The following PTPRD variants were observed in gnomAD, a reference collection of about 807,000 sequenced individuals.
PTPRD encodes receptor-type tyrosine-protein phosphatase delta.
A neutral mutation model predicts 214.5 loss-of-function variants in PTPRD; 34 were observed. The observed-to-expected ratio is 0.16, with a 90% CI of 0.12 to 0.21. The LOEUF (loss-of-function observed/expected upper bound fraction) is 0.21, where lower values mean the gene tolerates loss of function less well. Among genes scored for constraint, PTPRD ranks in the 10% least tolerant of loss-of-function variants. The pLI is 1.00. For missense variants in PTPRD, 2,545 were observed against 2,398.7 expected (o/e 1.06, Z -1.27); for synonymous variants, 1,128 against 845.7 (o/e 1.33, Z -5.79).
chr9:10,020,331 C>T (rs944105669), intron 4 of PTPRD, among the ~76,000 whole-genome samples: 2 of 151,196 alleles, frequency 1.3e-5, no homozygotes, highest in African/African-American at 2.4e-5. Context: ...TTGACGGAGT[C>T]TTGCTCTGTC....
intron 9 of PTPRD, among the ~76,000 whole-genome samples, chr9:9,381,714 GTTTT>G (rs34478942): frequency 0.014 from 2,070 of 148,776 alleles, 57 homozygotes; most frequent in African/African-American, 0.048. Context: ...TTTTGTTTTT[GTTTT>G]TTTTTGTTTG....
At chr9:10,523,162 G>A (rs1222824689) in intron 2 of PTPRD, among the ~76,000 whole-genome samples, 1 of 151,888 alleles carries the variant, frequency 6.6e-6, no homozygotes, top group Non-Finnish European at 1.5e-5. Context: ...GAACATTTGG[G>A]AAATATACAT....
chr9:9,813,455 C>A (rs2047788359), intron 5 of PTPRD, among the ~76,000 whole-genome samples: 1 of 151,602 alleles, frequency 6.6e-6, no homozygotes, highest in Non-Finnish European at 1.5e-5. Context: ...AGAACTTATG[C>A]CATAGTAATA....
chr9:9,574,210 G>A (rs193056218), intron 8 of PTPRD, among the ~76,000 whole-genome samples: 4 of 151,866 alleles, frequency 2.6e-5, no homozygotes, highest in Non-Finnish European at 4.4e-5. Context: ...TATAACCACA[G>A]AAGTTAATGA....
intron 2 of PTPRD, among the ~76,000 whole-genome samples, chr9:10,412,668 CT>C (rs1347031060): frequency 6.8e-6 from 1 of 147,760 alleles, no homozygotes; most frequent in African/African-American, 2.5e-5. Context: ...ACACACACCC[CT>C]TGAAGCCAAT....
intron 10 of PTPRD, among the ~76,000 whole-genome samples, chr9:9,086,471 C>G (rs1470469749): frequency 6.6e-6 from 1 of 152,190 alleles, no homozygotes; most frequent in Non-Finnish European, 1.5e-5. Context: ...CCTTTATATA[C>G]TGATTTGCTT....
intron 11 of PTPRD, among the ~76,000 whole-genome samples, chr9:8,955,983 G>A (rs2099129561): frequency 6.6e-6 from 1 of 151,636 alleles, no homozygotes; most frequent in Non-Finnish European, 1.5e-5. Flanking sequence ...AAATATATCT[G>A]GCCATTTTTG....
At chr9:8,720,194 T>C (rs2098477422) in intron 12 of PTPRD, among the ~76,000 whole-genome samples, 1 of 152,188 alleles carries the variant, frequency 6.6e-6, no homozygotes, top group African/African-American at 2.4e-5. Context: ...TTGGCTCTTA[T>C]ATCTAGCTCC....
At chr9:9,488,827 G>T (rs1179394601) in intron 8 of PTPRD, among the ~76,000 whole-genome samples, 5 of 152,160 alleles carry the variant, frequency 3.3e-5, no homozygotes, top group Non-Finnish European at 5.9e-5. Context: ...TAGCCACACT[G>T]CAAGCAGCTG....
intron 2 of PTPRD, among the ~76,000 whole-genome samples, chr9:10,543,843 G>A (rs1282127624): frequency 4.6e-5 from 7 of 152,138 alleles, no homozygotes; most frequent in Non-Finnish European, 8.8e-5. Context: ...ATAAAATACA[G>A]ATAGGGTTTG....
At chr9:9,723,473 C>T (rs1319848321) in intron 7 of PTPRD, among the ~76,000 whole-genome samples, 1 of 151,946 alleles carries the variant, frequency 6.6e-6, no homozygotes, top group Non-Finnish European at 1.5e-5. Flanking sequence ...ATGAGTCCTC[C>T]TACTTTGTTC....
chr9:10,283,174 TA>T (rs751450389), intron 3 of PTPRD, among the ~76,000 whole-genome samples: 1 of 151,864 alleles, frequency 6.6e-6, no homozygotes, highest in Non-Finnish European at 1.5e-5. Context: ...CCAATTAATT[TA>T]TATTTTACAT....
rs2096272113 is a variant in PTPRD at position 9,498,223 on chromosome 9, C to T, written c.-237+76509G>A. ...AAATAAAATTATGCTCTTTGAGTGG[C>T]ATTCTGCAAGAGAAGTGATTTTATT... On this transcript the variant is annotated intron_variant, in intron 8 of 45. Transcript: ENST00000381196. 2.6e-5 allele frequency among the ~76,000 whole-genome samples: 4 copies of T among 152,120 alleles called. No homozygotes were observed. The South Asian group carries it at 8.3e-4, about 31-fold the overall frequency.
chr9:8,602,691 T>C (rs2094941524), intron 14 of PTPRD, among the ~76,000 whole-genome samples: 1 of 152,208 alleles, frequency 6.6e-6, no homozygotes, highest in South Asian at 2.1e-4. Context: ...TTGAATGAAC[T>C]CAACCTGCAT....
At chr9:10,291,961 T>C (rs1273366437) in intron 3 of PTPRD, among the ~76,000 whole-genome samples, 1 of 152,092 alleles carries the variant, frequency 6.6e-6, no homozygotes, top group Admixed American at 6.6e-5. Context: ...ATCTGGTTAA[T>C]GGGTTTACAT....
chr9:8,701,965 G>A (rs1400953615), intron 12 of PTPRD, among the ~76,000 whole-genome samples: 2 of 152,082 alleles, frequency 1.3e-5, no homozygotes, highest in African/African-American at 4.8e-5. Context: ...GATAAATCAG[G>A]GTTTATTTAT....
At chr9:8,762,941 C>T (rs949954930) in intron 11 of PTPRD, among the ~76,000 whole-genome samples, 8 of 152,178 alleles carry the variant, frequency 5.3e-5, no homozygotes, top group Non-Finnish European at 1.2e-4. Flanking sequence ...GGGATGGAGC[C>T]TCCTTCCAGC....
chr9:8,988,627 C>T (rs2099354558), intron 11 of PTPRD, among the ~76,000 whole-genome samples: 1 of 152,076 alleles, frequency 6.6e-6, no homozygotes, highest in Admixed American at 6.6e-5. Flanking sequence ...TATTAATTTA[C>T]ATAGAAATGA....
rs151176999 is a variant in PTPRD at position 8,557,541 on chromosome 9, G to A, written c.353-28762C>T. ...GCGGATCACCTGAGGTCAGGAGTTC[G>A]AGACTAGCCTGACCAACATGGCGAA... On this transcript the variant is annotated intron_variant, in intron 14 of 45. Coordinates refer to ENST00000381196, the MANE Select transcript of PTPRD (RefSeq NM_002839.4). Among the ~76,000 whole-genome samples, 574 of 148,396 alleles carry A rather than the reference G, an allele frequency of 3.9e-3. 3 individuals carry two copies. The highest frequency in any genetic ancestry group is 0.014 in the African/African-American group (537 of 39,546).
Sources: allele counts gnomAD v4.1 joint callset (sites outside exome capture counted in the v4.1 genomes callset), GRCh38; gene constraint gnomAD v4.1.1; transcripts MANE v1.5; gene names NCBI Gene and HGNC (gene_info 2026-07-23, HGNC 2026-07-21).